EPHA3: variants seen among roughly 807,000 people sequenced by gnomAD.
EPHA3 encodes the protein ephrin type-A receptor 3.
EPHA3 carries 42 observed loss-of-function variants against 107.1 expected under a neutral mutation model. The ratio of observed to expected loss-of-function variants is 0.39; its 90% CI spans 0.31 to 0.51. The LOEUF (loss-of-function observed/expected upper bound fraction) is 0.51, where lower values mean the gene tolerates loss of function less well. EPHA3 is among the 20% of genes least tolerant of loss of function. EPHA3 has a pLI of 0.78. For synonymous variants in EPHA3, 461 were observed against 424.8 expected, an observed-to-expected ratio of 1.09 and a Z score of -1.05; for missense variants, 1,183 against 1,211.2, an observed-to-expected ratio of 0.98 and a Z score of 0.35.
intron 3 of EPHA3, among the ~76,000 whole-genome samples, chr3:89,243,813 G>A (rs1704968104): frequency 6.6e-6 from 1 of 152,040 alleles, no homozygotes; most frequent in South Asian, 2.1e-4. Flanking sequence ...TAAAACACTT[G>A]AACTGGTGGA....
chr3:89,123,993 A>G (rs1704029703), intron 1 of EPHA3, among the ~76,000 whole-genome samples: 3 of 152,216 alleles, frequency 2.0e-5, no homozygotes, highest in Admixed American at 1.3e-4. Flanking sequence ...AGTCATGCAT[A>G]TGTTCCTATC....
At chr3:89,445,314 A>G (rs371540724) in intron 13 of EPHA3, among the ~76,000 whole-genome samples, 122 of 152,316 alleles carry the variant, frequency 8.0e-4, no homozygotes, top group Admixed American at 3.7e-3. Context: ...TCTTCTAAAG[A>G]AAGAGTTTAA....
chr3:89,264,920 C>A (rs919149160), intron 3 of EPHA3, among the ~76,000 whole-genome samples: 2 of 151,944 alleles, frequency 1.3e-5, no homozygotes, highest in Admixed American at 1.3e-4. Context: ...AAATATTTTT[C>A]ATTAATTTTT....
chr3:89,284,793 C>T (rs1396818407), intron 3 of EPHA3, among the ~76,000 whole-genome samples: 1 of 152,152 alleles, frequency 6.6e-6, no homozygotes, highest in African/African-American at 2.4e-5. Context: ...TAACTTACTC[C>T]AACCACGTTC....
chr3:89,317,000 T>C (rs1378474825), intron 3 of EPHA3, among the ~76,000 whole-genome samples: 1 of 151,716 alleles, frequency 6.6e-6, no homozygotes, highest in Non-Finnish European at 1.5e-5. Context: ...CAAACTCTGA[T>C]GCTCCCTGAG....
At chr3:89,173,896 A>G (rs1185082968) in intron 2 of EPHA3, among the ~76,000 whole-genome samples, 1 of 152,060 alleles carries the variant, frequency 6.6e-6, no homozygotes, top group African/African-American at 2.4e-5. Flanking sequence ...CATGTTCTAT[A>G]AAAAATAAAG....
chr3:89,376,103 A>C (rs2107477729), intron 5 of EPHA3, among the ~76,000 whole-genome samples: 1 of 152,090 alleles, frequency 6.6e-6, no homozygotes, highest in Admixed American at 6.6e-5. Flanking sequence ...GGTAAGCAAA[A>C]AGGAACACAT....
At chr3:89,237,839 C>T (rs373451283) in intron 3 of EPHA3, among the ~76,000 whole-genome samples, 1 of 152,016 alleles carries the variant, frequency 6.6e-6, no homozygotes, top group Non-Finnish European at 1.5e-5. Context: ...ATTAGCTGGG[C>T]ATGGTGGTAA....
chr3:89,318,626 CA>C (rs1339034297), intron 3 of EPHA3, among the ~76,000 whole-genome samples: 1 of 151,824 alleles, frequency 6.6e-6, no homozygotes, highest in Non-Finnish European at 1.5e-5. Context: ...TGATGGTACC[CA>C]TGTTTAAATG....
chr3:89,268,820 A>C (rs1323599243), intron 3 of EPHA3, among the ~76,000 whole-genome samples: 1 of 151,918 alleles, frequency 6.6e-6, no homozygotes, highest in Non-Finnish European at 1.5e-5. Context: ...ATTTTCACAA[A>C]GTGCTATAAA....
In EPHA3 at chr3:89,420,857, G is replaced by GT. The variant is rs1205214476; in HGVS notation, c.2074+1472dup. Reference sequence around the variant, plus strand: ...TTCTTCTAACTCTCAATTTTTACAAGTTTTTCATTATGAAGTATCTGTTAT... The same window carrying GT: ...TTCTTCTAACTCTCAATTTTTACAAGTTTTTTCATTATGAAGTATCTGTTAT... On this transcript the variant is annotated intron_variant, in intron 11 of 16. Transcript: ENST00000336596. Among the ~76,000 whole-genome samples, 6 of 151,368 alleles carry GT rather than the reference G, an allele frequency of 4.0e-5. No individual in the cohort carries two copies. In the Admixed American group the frequency reaches 4.0e-4, roughly 10 times the overall value.
At position 89,364,170 on chromosome 3, in the gene EPHA3, G is replaced by A. The variant is rs906473708; in HGVS notation, c.1306+22080G>A. Among the ~76,000 whole-genome samples, 4 of 150,808 alleles carry A rather than the reference G, an allele frequency of 2.7e-5. 1 individual carries two copies. Among genetic ancestry groups the A allele is most frequent in the African/African-American group, 9.7e-5 (4 of 41,294 alleles). On this transcript the variant is annotated intron_variant, in intron 5 of 16. Coordinates refer to ENST00000336596, the MANE Select transcript of EPHA3 (RefSeq NM_005233.6). Reference sequence around the variant, plus strand: ...ACTGTTTCCCTTTACCGACCTTTGAGAGTCATCCCTATTTTCAGGACAGTG... The same window carrying A: ...ACTGTTTCCCTTTACCGACCTTTGAAAGTCATCCCTATTTTCAGGACAGTG...
At chr3:89,303,495 A>T (rs1379689177) in intron 3 of EPHA3, among the ~76,000 whole-genome samples, 1 of 151,284 alleles carries the variant, frequency 6.6e-6, no homozygotes, top group Non-Finnish European at 1.5e-5. Flanking sequence ...AGGATATAAA[A>T]TGAGGGAAGA....
intron 2 of EPHA3, among the ~76,000 whole-genome samples, chr3:89,156,660 T>C (rs994443427): frequency 2.6e-5 from 4 of 151,968 alleles, no homozygotes; most frequent in Middle Eastern, 3.2e-3. Flanking sequence ...GTTTACTTCT[T>C]AGGTAAAAAG....
At position 89,210,118 on chromosome 3, in the gene EPHA3, C is replaced by T. The variant is rs577908847; in HGVS notation, c.412C>T (p.His138Tyr). 1 of 1,613,946 alleles carries T rather than the reference C, an allele frequency of 6.2e-7. No individual in the cohort carries two copies. Among genetic ancestry groups the T allele is most frequent in the East Asian group, 2.2e-5 (1 of 44,874 alleles). The change falls in exon 3 of 17, where the codon CAT (histidine) becomes TAT (tyrosine). Residue 138 changes from histidine to tyrosine, a missense_variant. Coordinates refer to ENST00000336596, the MANE Select transcript of EPHA3 (RefSeq NM_005233.6). ...TGATCATGGGGTGAAATTTCGAGAGCATCAGTTTACAAAGATTGACACCAT... is the reference window on the plus strand; with the variant it reads ...TGATCATGGGGTGAAATTTCGAGAGTATCAGTTTACAAAGATTGACACCAT... ...DDDHGVKFRE[H>Y]QFTKIDTIAA...
chr3:89,326,514 T>C (rs1707169144), intron 3 of EPHA3, among the ~76,000 whole-genome samples: 1 of 151,998 alleles, frequency 6.6e-6, no homozygotes, highest in Admixed American at 6.6e-5. Flanking sequence ...ATCAGCCTCC[T>C]GAGTAGCTAG....
At chr3:89,235,493 CTT>C (rs548521083) in intron 3 of EPHA3, among the ~76,000 whole-genome samples, 19 of 152,126 alleles carry the variant, frequency 1.2e-4, no homozygotes, top group Non-Finnish European at 1.5e-4. Context: ...TCATTCCTGA[CTT>C]TAATATTATA....
Position 89,127,272 on chromosome 3 carries a change from G to A in EPHA3, c.152G>A (p.Gly51Glu). Reference sequence around the variant, plus strand: ...GGCTGGATCTCTTATCCATCACATGGGGTGAGTTCAATAAACTATCACAAG... The same window carrying A: ...GGCTGGATCTCTTATCCATCACATGAGGTGAGTTCAATAAACTATCACAAG... ...ELGWISYPSHGWEEISGVDEH... is the reference protein window; with the variant it reads ...ELGWISYPSHEWEEISGVDEH... Residue 51 changes from glycine to glutamate, a missense_variant and splice_region_variant, in exon 2 of 17, where the codon GGG (glycine) becomes GAG (glutamate). Coordinates refer to ENST00000336596, the MANE Select transcript of EPHA3 (RefSeq NM_005233.6). The A allele has an allele frequency of 6.2e-7, 1 of 1,611,036 alleles. No homozygotes were observed. The highest frequency in any genetic ancestry group is 8.5e-7 in the Non-Finnish European group (1 of 1,177,670).
At chr3:89,214,892 C>G (rs568436524) in intron 3 of EPHA3, among the ~76,000 whole-genome samples, 1 of 151,916 alleles carries the variant, frequency 6.6e-6, no homozygotes, top group African/African-American at 2.4e-5. Flanking sequence ...CAAACAACTG[C>G]AATGCAAAAA....
Sources: gnomAD v4.1 joint callset for allele counts (sites outside exome capture counted in the v4.1 genomes callset) on GRCh38, gnomAD v4.1.1 for gene constraint, MANE v1.5 for transcripts, NCBI Gene and HGNC (gene_info 2026-07-23, HGNC 2026-07-21) for gene names.